The following WLS variants were observed in gnomAD, a reference collection of about 807,000 sequenced individuals.
WLS encodes the protein protein wntless homolog.
In WLS, 23 loss-of-function variants were observed where a neutral mutation model predicts 62.8. The observed-to-expected ratio is 0.37, with a 90% CI of 0.26 to 0.52. The LOEUF is 0.52. Among genes scored for constraint, WLS ranks in the 20% least tolerant of loss-of-function variants. The probability of loss-of-function intolerance (pLI) is 0.92; values close to 1 mark genes in which losing one functional copy is unlikely to be tolerated. For missense variants in WLS, 615 were observed against 697.3 expected (o/e 0.88, Z 1.33); for synonymous variants, 246 against 244.1 (o/e 1.01, Z -0.07).
chr1:68,182,105 C>G (rs1292832071), intron 2 of WLS, among the ~76,000 whole-genome samples: 1 of 152,118 alleles, frequency 6.6e-6, no homozygotes. Context: ...TGACCAGTAA[C>G]CAATAGATGA....
chr1:68,113,322 T>G (rs1433140018), intron 11 of WLS, among the ~76,000 whole-genome samples: 1 of 152,194 alleles, frequency 6.6e-6, no homozygotes, highest in Non-Finnish European at 1.5e-5. Flanking sequence ...GACTCAAATC[T>G]ACCACCACTC....
chr1:68,221,391 C>T (rs1470451502), intron 1 of WLS, among the ~76,000 whole-genome samples: 1 of 152,184 alleles, frequency 6.6e-6, no homozygotes, highest in South Asian at 2.1e-4. Flanking sequence ...AATGTGCAGT[C>T]TTTTCAAAGC....
At chr1:68,209,135 G>A (rs999490738) in intron 1 of WLS, among the ~76,000 whole-genome samples, 1 of 149,504 alleles carries the variant, frequency 6.7e-6, no homozygotes, top group East Asian at 2.2e-4. Flanking sequence ...CCCACTGCTG[G>A]CAAGTTCAGG....
At chr1:68,201,966 T>C (rs1171443587) in intron 1 of WLS, 1 of 152,262 alleles carries the variant, frequency 6.6e-6, no homozygotes, top group Non-Finnish European at 1.5e-5. Context: ...GTTTACATTT[T>C]AGGCAGATGA....
chr1:68,212,840 T>G (rs1261369892), intron 1 of WLS, among the ~76,000 whole-genome samples: 1 of 152,198 alleles, frequency 6.6e-6, no homozygotes, highest in Non-Finnish European at 1.5e-5. Context: ...AGTGGTAGAT[T>G]CCCATACTGA....
intron 1 of WLS, chr1:68,201,953 T>C (rs1649042377): frequency 6.6e-6 from 1 of 152,258 alleles, no homozygotes; most frequent in Non-Finnish European, 1.5e-5. Flanking sequence ...GAAAATATCA[T>C]ATGTTTACAT....
Position 68,160,914 on chromosome 1 carries a change from T to C in WLS, c.380-1667A>G, listed in dbSNP as rs192706806. On this transcript the variant is annotated intron_variant, in intron 2 of 11. Coordinates refer to ENST00000262348, the MANE Select transcript of WLS (RefSeq NM_024911.7). Reference sequence around the variant, plus strand: ...ATCTGAAGTGCTCTTGTATAAAATATCACGTGAAGAAAAGAAGACTTTATC... The same window carrying C: ...ATCTGAAGTGCTCTTGTATAAAATACCACGTGAAGAAAAGAAGACTTTATC... 5.4e-3 allele frequency among the ~76,000 whole-genome samples: 828 copies of C among 152,224 alleles called. 3 individuals carry two copies. Among genetic ancestry groups the C allele is most frequent in the Non-Finnish European group, 8.6e-3 (583 of 68,020 alleles).
chr1:68,159,738 C>T (rs1396394641), intron 2 of WLS, among the ~76,000 whole-genome samples: 1 of 152,228 alleles, frequency 6.6e-6, no homozygotes, highest in Non-Finnish European at 1.5e-5. Flanking sequence ...TCTCTGGTCA[C>T]ACTCTGTCTG....
At chr1:68,152,068 G>T (rs991947212) in intron 5 of WLS, among the ~76,000 whole-genome samples, 1 of 152,160 alleles carries the variant, frequency 6.6e-6, no homozygotes, top group East Asian at 1.9e-4. Context: ...AGACATACAG[G>T]ATGACTCACT....
At chr1:68,204,389 G>A (rs1010080495) in intron 1 of WLS, among the ~76,000 whole-genome samples, 4 of 151,728 alleles carry the variant, frequency 2.6e-5, no homozygotes, top group African/African-American at 9.7e-5. Flanking sequence ...GCGCGGTCTC[G>A]GCTCACTGCA....
At chr1:68,217,857 A>C (rs1434173135) in intron 1 of WLS, among the ~76,000 whole-genome samples, 1 of 152,146 alleles carries the variant, frequency 6.6e-6, no homozygotes, top group Non-Finnish European at 1.5e-5. Context: ...TTCATTAGGC[A>C]TGGCAAGGAC....
At chr1:68,196,936 C>A (rs889363125) in intron 1 of WLS, among the ~76,000 whole-genome samples, 4 of 152,142 alleles carry the variant, frequency 2.6e-5, no homozygotes, top group Non-Finnish European at 5.9e-5. Flanking sequence ...TTTAACTGAA[C>A]CCTTTTTAAT....
At chr1:68,156,432 G>A (rs113597284) in intron 3 of WLS, among the ~76,000 whole-genome samples, 9 of 152,222 alleles carry the variant, frequency 5.9e-5, no homozygotes, top group African/African-American at 2.2e-4. Context: ...GGCTAGGAAG[G>A]GGCTCTGCCC....
chr1:68,180,436 G>A (rs1647488466), intron 2 of WLS, among the ~76,000 whole-genome samples: 1 of 152,052 alleles, frequency 6.6e-6, no homozygotes, highest in Non-Finnish European at 1.5e-5. Context: ...AGTGTTGGGA[G>A]GGAAACTGAG....
At chr1:68,190,520 C>T (rs1648229926) in intron 2 of WLS, among the ~76,000 whole-genome samples, 1 of 152,234 alleles carries the variant, frequency 6.6e-6, no homozygotes, top group African/African-American at 2.4e-5. Flanking sequence ...TCTTGGCTCA[C>T]TATCCCTGGG....
At chr1:68,148,699 AG>A (rs1235953213) in intron 6 of WLS, 39 bp from the exon 7 acceptor site, 1 of 1,593,046 alleles carries the variant, frequency 6.3e-7, no homozygotes, top group Non-Finnish European at 8.6e-7. Flanking sequence ...TAGAGGGGAG[AG>A]GAAGACCAAG....
chr1:68,168,319 C>A lies in WLS; in HGVS notation c.380-9072G>T, dbSNP rs10493435. Among the ~76,000 whole-genome samples the A allele has an allele frequency of 2.4e-3, 360 of 152,236 alleles. 2 individuals are homozygous for A. In the South Asian group the frequency reaches 0.032, roughly 13 times the overall value. On this transcript the variant is annotated intron_variant, in intron 2 of 11. Coordinates refer to ENST00000262348, the MANE Select transcript of WLS (RefSeq NM_024911.7). ...ATATTTGAAACAGGTATTTCCCAGCCAGGATAGTACAAAGTGTATAAATTG... is the reference window on the plus strand; with the variant it reads ...ATATTTGAAACAGGTATTTCCCAGCAAGGATAGTACAAAGTGTATAAATTG...
rs138161676 is a variant in WLS, at chr1:68,169,184, T to C, written c.380-9937A>G. 3.9e-5 allele frequency among the ~76,000 whole-genome samples: 6 copies of C among 152,330 alleles called. No homozygotes were observed. The East Asian group carries it at 7.7e-4, about 20-fold the overall frequency. ...TGTATTCTGATGCATTATCATCTGG[T>C]TGAAGTCACATATCTGTCTATGGAA... On this transcript the variant is annotated intron_variant, in intron 2 of 11. Transcript: ENST00000262348.
At chr1:68,123,788 T>A (rs1000993252), downstream of WLS, among the ~76,000 whole-genome samples, 1 of 152,132 alleles carries the variant, frequency 6.6e-6, no homozygotes. Context: ...AAACAAGAAC[T>A]GGATAAAGAC....
Sources: gnomAD v4.1 joint callset for allele counts (sites outside exome capture counted in the v4.1 genomes callset) on GRCh38, gnomAD v4.1.1 for gene constraint, MANE v1.5 for transcripts, NCBI Gene and HGNC (gene_info 2026-07-23, HGNC 2026-07-21) for gene names.